RANBP10: variants seen among roughly 807,000 people sequenced by gnomAD.
RANBP10 encodes the protein ran-binding protein 10.
RANBP10 carries 24 observed loss-of-function variants against 72.8 expected under a neutral mutation model. That is an observed-to-expected ratio of 0.33 (90% CI 0.24 to 0.46). The LOEUF is 0.46. Ranked by LOEUF, RANBP10 falls within the 20% of genes least tolerant of loss-of-function variation. The probability of loss-of-function intolerance (pLI) is 1.00; values close to 1 mark genes in which losing one functional copy is unlikely to be tolerated. For missense variants in RANBP10, 679 were observed against 817.5 expected (o/e 0.83, Z 2.07); for synonymous variants, 310 against 322.3 (o/e 0.96, Z 0.41).
chr16:67,724,917 T>C lies in RANBP10; in HGVS notation c.*1511A>G, dbSNP rs1281005168. On this transcript the variant is annotated 3_prime_UTR_variant, in exon 14 of 14. Coordinates refer to ENST00000317506, the MANE Select transcript of RANBP10 (RefSeq NM_020850.3). ...CTCCCCTCACAATGTGAAGCACATA[T>C]GGAAATTCCAGCCGTCCTGGTGCTC... 1 of 152,524 alleles carries C rather than the reference T, an allele frequency of 6.6e-6. No individual in the cohort carries two copies. The highest frequency in any genetic ancestry group is 1.9e-4 in the East Asian group (1 of 5,200). 9.4% of individuals were successfully genotyped at this position (152,524 alleles called of 1,614,324 possible).
intron 2 of RANBP10, among the ~76,000 whole-genome samples, chr16:67,800,776 G>A (rs1291196752): frequency 1.3e-5 from 2 of 152,128 alleles, no homozygotes; most frequent in East Asian, 1.9e-4. Context: ...CTTGAGGAGT[G>A]CCCAGAAAGC....
At chr16:67,753,824 T>C (rs974097121) in intron 3 of RANBP10, among the ~76,000 whole-genome samples, 2 of 151,906 alleles carry the variant, frequency 1.3e-5, no homozygotes, top group South Asian at 2.1e-4. Context: ...AACAAGTACA[T>C]GGTGGCACCA....
intron 3 of RANBP10, among the ~76,000 whole-genome samples, chr16:67,746,769 A>C (rs1222218850): frequency 6.6e-6 from 1 of 152,188 alleles, no homozygotes; most frequent in Non-Finnish European, 1.5e-5. Context: ...TTTCACATAA[A>C]TGGAATCATA....
At chr16:67,797,348 T>A (rs1057345567) in intron 2 of RANBP10, among the ~76,000 whole-genome samples, 1 of 152,164 alleles carries the variant, frequency 6.6e-6, no homozygotes, top group Non-Finnish European at 1.5e-5. Context: ...GGTAGCAACA[T>A]ACAGTGAGGA....
intron 3 of RANBP10, among the ~76,000 whole-genome samples, chr16:67,747,216 T>C (rs1320400503): frequency 6.6e-6 from 1 of 152,194 alleles, no homozygotes; most frequent in African/African-American, 2.4e-5. Flanking sequence ...AATTTTGGCC[T>C]TTTAGTGTAT....
chr16:67,737,202 T>C (rs1454710211), intron 5 of RANBP10, among the ~76,000 whole-genome samples: 4 of 135,390 alleles, frequency 3.0e-5, no homozygotes, highest in African/African-American at 8.5e-5. Context: ...CTTTTTTTTT[T>C]TTTTTTTTTT....
intron 6 of RANBP10, among the ~76,000 whole-genome samples, chr16:67,734,639 G>A (rs560046177): frequency 6.6e-6 from 1 of 152,308 alleles, no homozygotes; most frequent in South Asian, 2.1e-4. Context: ...TGGCTGAGAG[G>A]CAAAGGTTTA....
In RANBP10 at chr16:67,777,276, C is replaced by A. The variant is rs149156184; in HGVS notation, c.348-5190G>T. 5.3e-5 allele frequency among the ~76,000 whole-genome samples: 8 copies of A among 152,174 alleles called. No homozygotes were observed. In the East Asian group the frequency reaches 1.5e-3, roughly 29 times the overall value. On this transcript the variant is annotated intron_variant, in intron 2 of 13. Transcript: ENST00000317506. ...AGTAGGCTGGGCGCGGTGGCTCACG[C>A]CTATAATCCCAGCACTTTGGGAGGC... is the stretch of plus-strand genomic sequence containing the variant.
chr16:67,756,035 C>T (rs1212058446), intron 3 of RANBP10, among the ~76,000 whole-genome samples: 1 of 152,200 alleles, frequency 6.6e-6, no homozygotes, highest in African/African-American at 2.4e-5. Flanking sequence ...TGCTCTGGCA[C>T]CACCCACTTC....
intron 3 of RANBP10, among the ~76,000 whole-genome samples, chr16:67,746,719 ACTAAT>A (rs1369847835): frequency 6.6e-6 from 1 of 152,190 alleles, no homozygotes; most frequent in Non-Finnish European, 1.5e-5. Flanking sequence ...CCCCGGCAAC[ACTAAT>A]CTGATGTGTT....
chr16:67,768,391 T>G (rs1329388995), intron 3 of RANBP10, among the ~76,000 whole-genome samples: 1 of 151,752 alleles, frequency 6.6e-6, no homozygotes, highest in Non-Finnish European at 1.5e-5. Context: ...CGTGGTGGTG[T>G]GCGCCTGTAA....
At position 67,744,467 on chromosome 16, in the gene RANBP10, G is replaced by C; in HGVS notation, c.401-12C>G. 2 of 1,608,950 alleles carry C rather than the reference G, an allele frequency of 1.2e-6. No individual in the cohort carries two copies. Among genetic ancestry groups the C allele is most frequent in the Non-Finnish European group, 1.7e-6 (2 of 1,176,718 alleles). ...ATGTTTGTCCCAACCTGTGGGGGAA[G>C]AGAGCAGCAATAACTGAGTAGGTAC... On this transcript the variant is annotated splice_polypyrimidine_tract_variant and intron_variant, in intron 3 of 13. Transcript: ENST00000317506.
chr16:67,731,170 G>C (rs139874406), intron 7 of RANBP10: 213 of 338,664 alleles, frequency 6.3e-4, no homozygotes, highest in African/African-American at 4.1e-3. Context: ...CCAGGATTCA[G>C]GGGGAAGGAA....
At chr16:67,755,359 T>C (rs1420034076) in intron 3 of RANBP10, among the ~76,000 whole-genome samples, 1 of 152,080 alleles carries the variant, frequency 6.6e-6, no homozygotes, top group Non-Finnish European at 1.5e-5. Flanking sequence ...GAGATGGCTG[T>C]CTCAGAGGGG....
intron 3 of RANBP10, among the ~76,000 whole-genome samples, chr16:67,762,259 C>T (rs573580409): frequency 3.3e-5 from 5 of 152,252 alleles, no homozygotes; most frequent in African/African-American, 1.2e-4. Context: ...GAGTGAGATC[C>T]CAATCTCTAA....
rs1272739105 is a variant in RANBP10, at chr16:67,725,998, G to A, written c.*430C>T. On this transcript the variant is annotated 3_prime_UTR_variant, in exon 14 of 14. Coordinates refer to ENST00000317506, the MANE Select transcript of RANBP10 (RefSeq NM_020850.3). ...TATATATATATATATAATCTCATTT[G>A]TTTTTTACTTATGAAAATAATAAGC... The A allele has an allele frequency of 6.3e-6, 1 of 157,494 alleles. No homozygotes were observed. The highest frequency in any genetic ancestry group is 5.9e-5 in the Admixed American group (1 of 17,080). 9.8% of individuals were successfully genotyped at this position (157,494 alleles called of 1,614,324 possible).
At chr16:67,769,822 T>C (rs1004572439) in intron 3 of RANBP10, among the ~76,000 whole-genome samples, 1 of 149,468 alleles carries the variant, frequency 6.7e-6, no homozygotes, top group Non-Finnish European at 1.5e-5. Flanking sequence ...TCCTAATACT[T>C]TGGGAGACTG....
At position 67,734,584 on chromosome 16, in the gene RANBP10, G is replaced by A. The variant is rs113058789; in HGVS notation, c.776+274C>T. Among the ~76,000 whole-genome samples the A allele has an allele frequency of 3.3e-3, 509 of 152,328 alleles. 4 individuals carry two copies. Among genetic ancestry groups the A allele is most frequent in the African/African-American group, 0.011 (475 of 41,562 alleles). ...ATCCTCTGCAAAATGACCTGGGGAA[G>A]GAAAACAGCCCTGCTGGTGATCTTA... On this transcript the variant is annotated intron_variant, in intron 6 of 13. Transcript: ENST00000317506.
At chr16:67,802,754 C>A (rs1327431564) in intron 2 of RANBP10, among the ~76,000 whole-genome samples, 2 of 152,314 alleles carry the variant, frequency 1.3e-5, no homozygotes, top group South Asian at 4.1e-4. Flanking sequence ...CCAGTCAACA[C>A]CTATAGTTCA....
Sources: gnomAD v4.1 joint callset for allele counts (sites outside exome capture counted in the v4.1 genomes callset) on GRCh38, gnomAD v4.1.1 for gene constraint, MANE v1.5 for transcripts, NCBI Gene and HGNC (gene_info 2026-07-23, HGNC 2026-07-21) for gene names.